Variants in FANCC observed in about 807,000 individuals in gnomAD.
FANCC encodes the protein Fanconi anemia group C protein.
FANCC carries 55 observed loss-of-function variants against 71.3 expected under a neutral mutation model. The ratio of observed to expected loss-of-function variants is 0.77; its 90% CI spans 0.62 to 0.97. The LOEUF is 0.97. Ranked by LOEUF, FANCC falls within the 50% of genes least tolerant of loss-of-function variation. The pLI is 0.00. For missense variants in FANCC, 678 were observed against 670.9 expected, an observed-to-expected ratio of 1.01 and a Z score of -0.12; for synonymous variants, 275 against 244.9, an observed-to-expected ratio of 1.12 and a Z score of -1.15.
intron 4 of FANCC, among the ~76,000 whole-genome samples, chr9:95,228,811 A>G (rs7040594): frequency 0.014 from 2,063 of 152,184 alleles, 43 homozygotes; most frequent in African/African-American, 0.046. Flanking sequence ...CCCAAACCCC[A>G]GGAAGGAGTT....
chr9:95,289,513 T>C (rs1379314865), intron 1 of FANCC, among the ~76,000 whole-genome samples: 1 of 152,240 alleles, frequency 6.6e-6, no homozygotes, highest in African/African-American at 2.4e-5. Context: ...TGTCATCATC[T>C]ACAGGCTTAT....
chr9:95,281,081 G>A (rs537355067), intron 1 of FANCC, among the ~76,000 whole-genome samples: 1 of 152,246 alleles, frequency 6.6e-6, no homozygotes, highest in Admixed American at 6.5e-5. Context: ...TGGGTCACTG[G>A]TGTTCAAGGG....
At chr9:95,184,009 T>C (rs912913188) in intron 4 of FANCC, among the ~76,000 whole-genome samples, 3 of 152,170 alleles carry the variant, frequency 2.0e-5, no homozygotes, top group African/African-American at 7.2e-5. Context: ...AACCAGTCTA[T>C]TCAGTCCTGG....
At position 95,149,968 on chromosome 9, in the gene FANCC, A is replaced by G. The variant is rs2135426904; in HGVS notation, c.641T>C (p.Ile214Thr). The change falls in exon 7 of 15, where the codon ATC (isoleucine) becomes ACC (threonine). Residue 214 changes from isoleucine to threonine, a missense_variant. Ile to Thr is a moderately conservative substitution (Grantham distance 89). Coordinates refer to ENST00000289081, the MANE Select transcript of FANCC (RefSeq NM_000136.3). Reference protein sequence around the residue: ...LICHGREPQEILQPEFFEAVN... With the variant: ...LICHGREPQETLQPEFFEAVN... ...AGCCTCAAAGAACTCTGGCTGGAGG[A>G]TTTCCTGAGGTTCACGTCCATGACA... 1 of 1,612,468 alleles carries G rather than the reference A, an allele frequency of 6.2e-7. No individual in the cohort carries two copies. The highest frequency in any genetic ancestry group is 2.2e-5 in the East Asian group (1 of 44,850).
intron 6 of FANCC, among the ~76,000 whole-genome samples, chr9:95,166,228 T>C (rs943270981): frequency 2.0e-5 from 3 of 152,064 alleles, no homozygotes; most frequent in African/African-American, 7.2e-5. Flanking sequence ...CCTAAAGTAA[T>C]TACTGATAGA....
At chr9:95,164,364 G>GC (rs1279478645) in intron 6 of FANCC, among the ~76,000 whole-genome samples, 1 of 152,114 alleles carries the variant, frequency 6.6e-6, no homozygotes, top group Non-Finnish European at 1.5e-5. Flanking sequence ...AGATATTCTT[G>GC]CCTTGTTCCT....
chr9:95,285,475 T>C (rs1833636846), intron 1 of FANCC, among the ~76,000 whole-genome samples: 1 of 152,178 alleles, frequency 6.6e-6, no homozygotes, highest in Non-Finnish European at 1.5e-5. Context: ...ATTTCTTCTT[T>C]CAACAAACAT....
At chr9:95,192,310 C>T (rs4647474) in intron 4 of FANCC, among the ~76,000 whole-genome samples, 1 of 152,128 alleles carries the variant, frequency 6.6e-6, no homozygotes, top group African/African-American at 2.4e-5. Context: ...ATTTGAGAGA[C>T]AAGCAAGTCT....
At chr9:95,209,610 G>A (rs1828368122) in intron 4 of FANCC, among the ~76,000 whole-genome samples, 1 of 152,190 alleles carries the variant, frequency 6.6e-6, no homozygotes, top group South Asian at 2.1e-4. Flanking sequence ...ATGTCTATCT[G>A]TTGGGAGCAG....
At chr9:95,311,026 C>T (rs945702798) in intron 1 of FANCC, among the ~76,000 whole-genome samples, 1 of 152,054 alleles carries the variant, frequency 6.6e-6, no homozygotes, top group South Asian at 2.1e-4. Context: ...AGGCGGATCA[C>T]GAGGTCAGGA....
At chr9:95,273,567 T>C (rs1832859072) in intron 1 of FANCC, among the ~76,000 whole-genome samples, 1 of 152,222 alleles carries the variant, frequency 6.6e-6, no homozygotes, top group Admixed American at 6.5e-5. Flanking sequence ...CAAGCACATC[T>C]CTCTGTACAC....
chr9:95,233,958 C>G (rs992897511), intron 4 of FANCC, among the ~76,000 whole-genome samples: 6 of 152,172 alleles, frequency 3.9e-5, no homozygotes, highest in Admixed American at 1.3e-4. Context: ...GGCAGGAGCC[C>G]TCCGGTTCCC....
chr9:95,149,950 A>G lies in FANCC; in HGVS notation c.659T>C (p.Phe220Ser). 1 of 1,610,266 alleles carries G rather than the reference A, an allele frequency of 6.2e-7. No homozygotes were observed. Among genetic ancestry groups the G allele is most frequent in the Non-Finnish European group, 8.5e-7 (1 of 1,178,358 alleles). Residue 220 changes from phenylalanine to serine, a missense_variant, in exon 7 of 15, where the codon TTT (phenylalanine) becomes TCT (serine). Physicochemically the swap from Phe to Ser is radical, Grantham distance 155 (BLOSUM62 -2). Transcript: ENST00000289081. ...CAAAATGGCCTCGTTTACAGCCTCA[A>G]AGAACTCTGGCTGGAGGATTTCCTG... Reference protein sequence around the residue: ...EPQEILQPEFFEAVNEAILLK... With the variant: ...EPQEILQPEFSEAVNEAILLK...
At chr9:95,160,590 T>C (rs1489703398) in intron 6 of FANCC, among the ~76,000 whole-genome samples, 1 of 152,212 alleles carries the variant, frequency 6.6e-6, no homozygotes, top group Non-Finnish European at 1.5e-5. Flanking sequence ...TTGATGGGGA[T>C]GGCATTGAAT....
At chr9:95,141,847 A>G (rs747260696) in intron 7 of FANCC, among the ~76,000 whole-genome samples, 42 of 152,334 alleles carry the variant, frequency 2.8e-4, no homozygotes, top group Non-Finnish European at 5.4e-4. Context: ...ATGGGAATTA[A>G]GCTTACATCT....
chr9:95,117,454 C>T (rs1284091862), intron 10 of FANCC, 64 bp from the exon 11 acceptor site: 15 of 1,387,278 alleles, frequency 1.1e-5, no homozygotes, highest in Non-Finnish European at 1.4e-5. Flanking sequence ...CAGGAAAATA[C>T]AAAACTCTGA....
intron 1 of FANCC, among the ~76,000 whole-genome samples, chr9:95,252,842 A>C (rs1831435423): frequency 6.6e-6 from 1 of 150,526 alleles, no homozygotes; most frequent in African/African-American, 2.4e-5. Flanking sequence ...TGAGGCCAGG[A>C]GTTTGAGACC....
intron 4 of FANCC, among the ~76,000 whole-genome samples, chr9:95,239,191 C>T (rs1215279102): frequency 6.6e-6 from 1 of 152,138 alleles, no homozygotes; most frequent in Admixed American, 6.5e-5. Flanking sequence ...AGCAAGTGTC[C>T]CCCTCTACGT....
At chr9:95,296,383 A>G (rs921123084) in intron 1 of FANCC, among the ~76,000 whole-genome samples, 1 of 152,218 alleles carries the variant, frequency 6.6e-6, no homozygotes, top group Non-Finnish European at 1.5e-5. Context: ...CTTTGAAGAA[A>G]TAGGTGGAAA....
Sources: allele counts gnomAD v4.1 joint callset (sites outside exome capture counted in the v4.1 genomes callset), GRCh38; gene constraint gnomAD v4.1.1; transcripts MANE v1.5; gene names NCBI Gene and HGNC (gene_info 2026-07-23, HGNC 2026-07-21).